The following SLC9A9 variants were observed in gnomAD, a reference collection of about 807,000 sequenced individuals.
SLC9A9 encodes sodium/hydrogen exchanger 9.
SLC9A9 carries 62 observed loss-of-function variants against 77.8 expected under a neutral mutation model. The observed-to-expected ratio is 0.80, with a 90% CI of 0.65 to 0.98. SLC9A9 has a LOEUF of 0.98. Among genes scored for constraint, SLC9A9 ranks in the 50% least tolerant of loss-of-function variants. The pLI, the probability that SLC9A9 is intolerant of heterozygous loss-of-function variation, is 0.00. For missense variants in SLC9A9, 775 were observed against 774.9 expected (o/e 1.00, Z 0.00); for synonymous variants, 320 against 283.5 (o/e 1.13, Z -1.29).
chr3:143,800,075 C>T (rs937875508), intron 2 of SLC9A9, among the ~76,000 whole-genome samples: 5 of 152,134 alleles, frequency 3.3e-5, no homozygotes, highest in Admixed American at 6.5e-5. Context: ...AAATTATCTG[C>T]TTCCCTGACT....
At chr3:143,702,476 T>C (rs1284909872) in intron 4 of SLC9A9, among the ~76,000 whole-genome samples, 1 of 152,132 alleles carries the variant, frequency 6.6e-6, no homozygotes, top group Non-Finnish European at 1.5e-5. Flanking sequence ...TGTTTGCTTA[T>C]GCAAACAGTG....
chr3:143,539,876 A>AAGAG (rs67678469), intron 9 of SLC9A9, among the ~76,000 whole-genome samples: 31,788 of 150,366 alleles, frequency 0.21, 3,270 homozygotes, highest in African/African-American at 0.23. Flanking sequence ...GTGAAAAATT[A>AAGAG]AGAGAGAGAG....
intron 9 of SLC9A9, among the ~76,000 whole-genome samples, chr3:143,530,690 T>C (rs75201893): frequency 0.035 from 5,323 of 151,736 alleles, 317 homozygotes; most frequent in African/African-American, 0.12. Flanking sequence ...CCAAAAACAC[T>C]ATTCAAATAG....
chr3:143,661,162 G>A (rs184554704), intron 5 of SLC9A9, among the ~76,000 whole-genome samples: 17 of 152,328 alleles, frequency 1.1e-4, no homozygotes, highest in Admixed American at 2.0e-4. Flanking sequence ...GGCAAGCCAA[G>A]TCTGAGGGGA....
chr3:143,577,584 T>A (rs1313077621), intron 7 of SLC9A9, among the ~76,000 whole-genome samples: 1 of 152,210 alleles, frequency 6.6e-6, no homozygotes, highest in East Asian at 1.9e-4. Context: ...CCAGTCTTAA[T>A]GTAGAGCTCA....
At chr3:143,773,740 T>C (rs1332733830) in intron 4 of SLC9A9, among the ~76,000 whole-genome samples, 1 of 152,146 alleles carries the variant, frequency 6.6e-6, no homozygotes, top group Non-Finnish European at 1.5e-5. Flanking sequence ...CACCTCGGCC[T>C]CCCAAAGTTC....
chr3:143,385,694 T>C (rs2033407635), intron 12 of SLC9A9, among the ~76,000 whole-genome samples: 1 of 152,210 alleles, frequency 6.6e-6, no homozygotes, highest in South Asian at 2.1e-4. Context: ...GAAGACATAA[T>C]ATTGTCCCAG....
At chr3:143,540,850 C>T (rs1472303682) in intron 9 of SLC9A9, among the ~76,000 whole-genome samples, 2 of 152,120 alleles carry the variant, frequency 1.3e-5, no homozygotes, top group Non-Finnish European at 2.9e-5. Context: ...CAGTGCCTGA[C>T]ACATTATAGT....
At chr3:143,570,495 A>C (rs1398949068) in intron 8 of SLC9A9, among the ~76,000 whole-genome samples, 1 of 152,154 alleles carries the variant, frequency 6.6e-6, no homozygotes, top group Non-Finnish European at 1.5e-5. Flanking sequence ...TTTTATTTTC[A>C]GGCAGTTACA....
chr3:143,583,354 A>G (rs1339555436), intron 6 of SLC9A9, among the ~76,000 whole-genome samples: 1 of 152,218 alleles, frequency 6.6e-6, no homozygotes, highest in African/African-American at 2.4e-5. Context: ...AGTATCCTAA[A>G]TTCTTTGATG....
intron 4 of SLC9A9, among the ~76,000 whole-genome samples, chr3:143,696,876 A>C (rs1194958990): frequency 6.6e-6 from 1 of 152,126 alleles, no homozygotes; most frequent in Non-Finnish European, 1.5e-5. Flanking sequence ...AAACGAAATT[A>C]AAGTTTTTAT....
intron 9 of SLC9A9, among the ~76,000 whole-genome samples, chr3:143,512,981 C>T (rs1472145814): frequency 6.6e-6 from 1 of 152,198 alleles, no homozygotes; most frequent in African/African-American, 2.4e-5. Context: ...TTCAGTGAAT[C>T]ATAATCTTTT....
At chr3:143,479,886 C>T (rs951755705) in intron 11 of SLC9A9, among the ~76,000 whole-genome samples, 1 of 152,198 alleles carries the variant, frequency 6.6e-6, no homozygotes, top group African/African-American at 2.4e-5. Flanking sequence ...AGTCCTATCT[C>T]TATGAAAGCA....
chr3:143,432,762 G>A (rs892492753), intron 12 of SLC9A9, among the ~76,000 whole-genome samples: 8 of 152,108 alleles, frequency 5.3e-5, no homozygotes, highest in African/African-American at 7.2e-5. Context: ...CAAGTAGCTC[G>A]GACTACAGGT....
chr3:143,654,983 T>C (rs1329018766), intron 5 of SLC9A9, among the ~76,000 whole-genome samples: 1 of 152,250 alleles, frequency 6.6e-6, no homozygotes, highest in Non-Finnish European at 1.5e-5. Context: ...TCATAAACGA[T>C]GTCCCACACA....
intron 2 of SLC9A9, among the ~76,000 whole-genome samples, chr3:143,802,751 G>T (rs2008600269): frequency 6.6e-6 from 1 of 152,114 alleles, no homozygotes; most frequent in Non-Finnish European, 1.5e-5. Flanking sequence ...GTCTTTTAAA[G>T]ACACACCTCA....
intron 6 of SLC9A9, among the ~76,000 whole-genome samples, chr3:143,650,402 T>G (rs1013299615): frequency 2.6e-5 from 4 of 152,094 alleles, no homozygotes; most frequent in Non-Finnish European, 5.9e-5. Context: ...AAATTAAGTT[T>G]AAGAAGCAAA....
intron 14 of SLC9A9, among the ~76,000 whole-genome samples, chr3:143,320,310 A>T (rs371305820): frequency 3.9e-5 from 6 of 152,256 alleles, no homozygotes; most frequent in Admixed American, 2.0e-4. Flanking sequence ...TTCCAATGAC[A>T]TCAGATTCCT....
intron 5 of SLC9A9, among the ~76,000 whole-genome samples, chr3:143,684,476 C>T (rs1933198399): frequency 6.6e-6 from 1 of 152,052 alleles, no homozygotes; most frequent in Non-Finnish European, 1.5e-5. Flanking sequence ...CATATTGAGT[C>T]TACCCAATTT....
Sources: gnomAD v4.1 joint callset for allele counts (sites outside exome capture counted in the v4.1 genomes callset) on GRCh38, gnomAD v4.1.1 for gene constraint, MANE v1.5 for transcripts, NCBI Gene and HGNC (gene_info 2026-07-23, HGNC 2026-07-21) for gene names.